CELF2: variants seen among roughly 807,000 people sequenced by gnomAD.
CELF2 encodes CUG triplet repeat RNA-binding protein 2.
A neutral mutation model predicts 62.6 loss-of-function variants in CELF2; 8 were observed. The observed-to-expected ratio is 0.13, with a 90% CI of 0.07 to 0.23. The LOEUF (loss-of-function observed/expected upper bound fraction) is 0.23, where lower values mean the gene tolerates loss of function less well. Ranked by LOEUF, CELF2 falls within the 10% of genes least tolerant of loss-of-function variation. The pLI is 1.00. For missense variants in CELF2, 333 were observed against 671.0 expected (o/e 0.50, Z 5.56); for synonymous variants, 258 against 250.0 (o/e 1.03, Z -0.30).
At chr10:10,734,758 A>G in the CELF2 span, among the ~76,000 whole-genome samples, 1 of 152,298 alleles carries the variant, frequency 6.6e-6, no homozygotes, top group East Asian at 1.9e-4. Flanking sequence ...TTTTGTAAGC[A>G]TATGGCCCTT....
Position 11,266,690 on chromosome 10 carries a change from C to G in CELF2, c.618+13C>G. On this transcript the variant is annotated intron_variant, in intron 6 of 12. Coordinates refer to ENST00000633077, the MANE Select transcript of CELF2 (RefSeq NM_001326342.2). ...TCAGACCATGGAGGTACTGTATCAT[C>G]TGCCCTTTCTTTGTTTTCTTTGTGC... is the stretch of plus-strand genomic sequence containing the variant. 1 of 1,607,618 alleles carries G rather than the reference C, an allele frequency of 6.2e-7. No individual in the cohort carries two copies. The highest frequency in any genetic ancestry group is 8.5e-7 in the Non-Finnish European group (1 of 1,174,830).
chr10:10,809,896 T>C (rs1375171826), intron 1 of CELF2, among the ~76,000 whole-genome samples: 1 of 152,218 alleles, frequency 6.6e-6, no homozygotes, highest in Non-Finnish European at 1.5e-5. Context: ...TTATATTTAA[T>C]GTTGACAACT....
chr10:11,081,976 T>G (rs1233284035), intron 1 of CELF2, among the ~76,000 whole-genome samples: 1 of 152,208 alleles, frequency 6.6e-6, no homozygotes, highest in African/African-American at 2.4e-5. Context: ...CACCCTGGCC[T>G]AGTTTTCGTT....
the CELF2 span, among the ~76,000 whole-genome samples, chr10:10,574,012 A>G: frequency 6.6e-6 from 1 of 152,212 alleles, no homozygotes; most frequent in African/African-American, 2.4e-5. Flanking sequence ...AGAAGGATCA[A>G]TTTGATCTGA....
At position 11,319,316 on chromosome 10, in the gene CELF2, A is replaced by G. The variant is rs973489752; in HGVS notation, c.1097-1873A>G. On this transcript the variant is annotated intron_variant, in intron 10 of 12. Transcript: ENST00000633077. The surrounding 1 kb of genome is among the most constrained non-coding windows in gnomAD (Gnocchi z 4.4). Reference sequence around the variant, plus strand: ...TCAAAAAACACGGAAGTTCCTTTGCATCACACAAATAGTGGGAGGTGAGGA... The same window carrying G: ...TCAAAAAACACGGAAGTTCCTTTGCGTCACACAAATAGTGGGAGGTGAGGA... The G allele has an allele frequency of 3.4e-5, 12 of 355,422 alleles. No individual in the cohort carries two copies. Among genetic ancestry groups the G allele is most frequent in the African/African-American group, 1.9e-4 (9 of 46,788 alleles). 22.0% of individuals were successfully genotyped at this position (355,422 alleles called of 1,614,324 possible). A position where few individuals can be genotyped will look rare whatever the true frequency, so the allele number is the denominator to read the frequency against.
At chr10:10,924,194 A>G (rs1376867059) in intron 2 of CELF2, 2 of 140,908 alleles carry the variant, frequency 1.4e-5, no homozygotes, top group Non-Finnish European at 3.0e-5. Flanking sequence ...AGGCAGGAGA[A>G]TGGCGTGAAC....
intron 1 of CELF2, among the ~76,000 whole-genome samples, chr10:10,889,860 C>T (rs1317331763): frequency 6.6e-6 from 1 of 152,138 alleles, no homozygotes. Context: ...GTCAATAGCC[C>T]ATCTGGAATT....
intron 1 of CELF2, among the ~76,000 whole-genome samples, chr10:10,834,805 C>A (rs1205414007): frequency 1.3e-5 from 2 of 152,184 alleles, no homozygotes; most frequent in Admixed American, 6.5e-5. Context: ...CGAGAGGAAG[C>A]CAGACACACG....
At chr10:10,650,920 C>T in the CELF2 span, among the ~76,000 whole-genome samples, 4 of 152,052 alleles carry the variant, frequency 2.6e-5, no homozygotes, top group African/African-American at 7.2e-5. Flanking sequence ...GCGTGAGCGA[C>T]GCAGAAGACC....
the CELF2 span, among the ~76,000 whole-genome samples, chr10:10,466,279 A>G: frequency 6.6e-6 from 1 of 152,100 alleles, no homozygotes; most frequent in Admixed American, 6.6e-5. Context: ...ATTAATTTAC[A>G]TTTTATAAAA....
At chr10:11,160,645 CAAAAA>C (rs35755036) in intron 1 of CELF2, among the ~76,000 whole-genome samples, 5 of 96,890 alleles carry the variant, frequency 5.2e-5, no homozygotes, top group Non-Finnish European at 6.8e-5. Context: ...TCCCAAGGAT[CAAAAA>C]AAAAAAAAAA....
chr10:10,973,018 G>A (rs1227379020), intron 2 of CELF2, among the ~76,000 whole-genome samples: 7 of 152,146 alleles, frequency 4.6e-5, no homozygotes, highest in East Asian at 1.9e-4. Context: ...AGCCGGGCAC[G>A]GTGGCTCACG....
At chr10:10,649,144 C>T in the CELF2 span, among the ~76,000 whole-genome samples, 4 of 152,150 alleles carry the variant, frequency 2.6e-5, no homozygotes, top group Non-Finnish European at 4.4e-5. Context: ...TGGTGAAAGT[C>T]GCGATTCTCA....
the CELF2 span, among the ~76,000 whole-genome samples, chr10:10,684,893 A>G: frequency 5.3e-5 from 8 of 152,220 alleles, no homozygotes; most frequent in Non-Finnish European, 8.8e-5. Context: ...GGCACATCCT[A>G]TTCACAGCAC....
chr10:10,852,482 A>G (rs931890162), intron 1 of CELF2, among the ~76,000 whole-genome samples: 3 of 152,200 alleles, frequency 2.0e-5, no homozygotes, highest in African/African-American at 7.2e-5. Flanking sequence ...TTATAAAAGG[A>G]CAGCATGAGG....
the CELF2 span, among the ~76,000 whole-genome samples, chr10:10,713,145 T>C: frequency 6.6e-6 from 1 of 152,222 alleles, no homozygotes; most frequent in Non-Finnish European, 1.5e-5. Context: ...TCCTAAATCC[T>C]TCCCCTATCC....
At position 11,290,329 on chromosome 10, in the gene CELF2, C is replaced by T. The variant is rs748934359; in HGVS notation, c.976+1777C>T. On this transcript the variant is annotated intron_variant, in intron 9 of 12. Coordinates refer to ENST00000633077, the MANE Select transcript of CELF2 (RefSeq NM_001326342.2). The surrounding 1 kb of genome is among the most constrained non-coding windows in gnomAD (Gnocchi z 4.3). ...TTGAGCAGAGACCTGAGTTCCGTGACGGAAGCCATGGCGCGTGTTGAGGCA... is the reference window on the plus strand; with the variant it reads ...TTGAGCAGAGACCTGAGTTCCGTGATGGAAGCCATGGCGCGTGTTGAGGCA... Among the ~76,000 whole-genome samples, 18 of 152,072 alleles carry T rather than the reference C, an allele frequency of 1.2e-4. No homozygotes were observed. The highest frequency in any genetic ancestry group is 2.1e-4 in the Non-Finnish European group (14 of 68,004).
At chr10:10,814,792 A>G (rs2056291693) in intron 1 of CELF2, among the ~76,000 whole-genome samples, 1 of 152,204 alleles carries the variant, frequency 6.6e-6, no homozygotes, top group Non-Finnish European at 1.5e-5. Context: ...AACTATCTCC[A>G]ATTATGCAAC....
At chr10:10,679,150 A>C in the CELF2 span, among the ~76,000 whole-genome samples, 3 of 152,176 alleles carry the variant, frequency 2.0e-5, no homozygotes, top group Non-Finnish European at 4.4e-5. Context: ...TGGTGGCTAT[A>C]ATTTATCAAG....
Sources: gnomAD v4.1 joint callset for allele counts (sites outside exome capture counted in the v4.1 genomes callset) on GRCh38, gnomAD v4.1.1 for gene constraint, Gnocchi (gnomAD v3.1) non-coding constraint, MANE v1.5 for transcripts, NCBI Gene and HGNC (gene_info 2026-07-23, HGNC 2026-07-21) for gene names.